TTC27: variants seen among roughly 807,000 people sequenced by gnomAD.
TTC27 encodes the protein tetratricopeptide repeat protein 27.
In TTC27, 79 loss-of-function variants were observed where a neutral mutation model predicts 115.9. The ratio of observed to expected loss-of-function variants is 0.68; its 90% CI spans 0.57 to 0.82. The LOEUF (loss-of-function observed/expected upper bound fraction) is 0.82. TTC27 is among the 40% of genes least tolerant of loss of function. The pLI, the probability that TTC27 is intolerant of heterozygous loss-of-function variation, is 0.00. For missense variants in TTC27, 1,054 were observed against 993.1 expected (o/e 1.06, Z -0.82); for synonymous variants, 401 against 356.0 (o/e 1.13, Z -1.42).
At chr2:32,722,710 G>C (rs1667968376) in intron 10 of TTC27, among the ~76,000 whole-genome samples, 2 of 152,214 alleles carry the variant, frequency 1.3e-5, no homozygotes, top group Admixed American at 1.3e-4. Context: ...GAAAGGAGTG[G>C]AATGACCACA....
chr2:32,771,151 T>C (rs1669816636), intron 13 of TTC27, among the ~76,000 whole-genome samples: 2 of 152,162 alleles, frequency 1.3e-5, no homozygotes, highest in African/African-American at 2.4e-5. Flanking sequence ...CAAAGGCAAA[T>C]CTCTTCATCT....
intron 12 of TTC27, among the ~76,000 whole-genome samples, chr2:32,747,765 G>T (rs1315609331): frequency 6.6e-6 from 1 of 152,148 alleles, no homozygotes; most frequent in African/African-American, 2.4e-5. Flanking sequence ...TTGAGAATAT[G>T]ATTTGATGTC....
chr2:32,664,388 ATAT>A lies in TTC27; in HGVS notation c.733_735del (p.Tyr245del), dbSNP rs753951917. ...ATCTGGAATGTGCATATGTGTTTTT[ATAT>A]TATTATGAGTACAGAAAAGCAAAAG... On this transcript the variant is annotated inframe_deletion, in exon 6 of 20. Coordinates refer to ENST00000317907, the MANE Select transcript of TTC27 (RefSeq NM_017735.5). The A allele has an allele frequency of 9.9e-6, 16 of 1,612,618 alleles. No homozygotes were observed. Among genetic ancestry groups the A allele is most frequent in the African/African-American group, 2.7e-5 (2 of 74,994 alleles).
At chr2:32,671,367 T>C (rs1330695245) in intron 7 of TTC27, among the ~76,000 whole-genome samples, 1 of 151,998 alleles carries the variant, frequency 6.6e-6, no homozygotes, top group Non-Finnish European at 1.5e-5. Flanking sequence ...AGAGACAGGG[T>C]CTTGCTGTGT....
At chr2:32,751,060 G>A (rs1668992001) in intron 12 of TTC27, among the ~76,000 whole-genome samples, 1 of 152,146 alleles carries the variant, frequency 6.6e-6, no homozygotes, top group South Asian at 2.1e-4. Context: ...TATATCTGGT[G>A]TTGTCTGGTT....
intron 4 of TTC27, among the ~76,000 whole-genome samples, chr2:32,644,414 G>T (rs1302166308): frequency 1.3e-5 from 2 of 151,622 alleles, no homozygotes; most frequent in Admixed American, 1.3e-4. Context: ...CAACAACTTA[G>T]GAGAATTAAT....
intron 10 of TTC27, among the ~76,000 whole-genome samples, chr2:32,728,033 G>A (rs1668165769): frequency 1.4e-5 from 2 of 142,484 alleles, no homozygotes; most frequent in Non-Finnish European, 1.5e-5. Flanking sequence ...TGAGAGGACT[G>A]CCTCTTTTTT....
intron 4 of TTC27, among the ~76,000 whole-genome samples, chr2:32,647,535 T>A (rs964111265): frequency 5.3e-5 from 8 of 152,358 alleles, no homozygotes; most frequent in Admixed American, 2.0e-4. Context: ...GAAAGGATTT[T>A]GTCATGGAGT....
chr2:32,779,084 C>T (rs1273904552), intron 14 of TTC27, among the ~76,000 whole-genome samples: 2 of 152,056 alleles, frequency 1.3e-5, no homozygotes, highest in Non-Finnish European at 2.9e-5. Context: ...ATTAGCTGGG[C>T]GTGATGACGC....
At chr2:32,727,213 C>A (rs1420723377) in intron 10 of TTC27, among the ~76,000 whole-genome samples, 2 of 152,092 alleles carry the variant, frequency 1.3e-5, no homozygotes, top group Non-Finnish European at 2.9e-5. Flanking sequence ...AATATTGAGA[C>A]AAGATTTTTC....
intron 12 of TTC27, among the ~76,000 whole-genome samples, chr2:32,742,559 T>A (rs1359343785): frequency 6.6e-6 from 1 of 152,108 alleles, no homozygotes; most frequent in Admixed American, 6.6e-5. Context: ...TAGCTGGGAG[T>A]GTCTGATGGG....
intron 6 of TTC27, among the ~76,000 whole-genome samples, chr2:32,665,344 G>A (rs1306643319): frequency 6.6e-6 from 1 of 152,154 alleles, no homozygotes; most frequent in East Asian, 1.9e-4. Flanking sequence ...CCATGTGTAA[G>A]TTGTCTGTAT....
At chr2:32,714,763 C>A (rs964325275) in intron 10 of TTC27, among the ~76,000 whole-genome samples, 1 of 152,032 alleles carries the variant, frequency 6.6e-6, no homozygotes, top group Non-Finnish European at 1.5e-5. Context: ...TATTTTGTGA[C>A]TTTTTAATAC....
chr2:32,635,951 A>G (rs2151860494), intron 3 of TTC27, among the ~76,000 whole-genome samples: 1 of 152,282 alleles, frequency 6.6e-6, no homozygotes, highest in East Asian at 1.9e-4. Flanking sequence ...TATGAAGGGA[A>G]TTTATAATTT....
At chr2:32,637,196 T>G (rs558623149) in intron 3 of TTC27, among the ~76,000 whole-genome samples, 11 of 152,350 alleles carry the variant, frequency 7.2e-5, no homozygotes, top group African/African-American at 2.4e-4. Context: ...TAATTTTTAT[T>G]TGTTGCTATG....
At chr2:32,795,502 T>C (rs1670667131) in intron 16 of TTC27, among the ~76,000 whole-genome samples, 1 of 151,618 alleles carries the variant, frequency 6.6e-6, no homozygotes, top group South Asian at 2.1e-4. Flanking sequence ...AACATCATAC[T>C]TAATGGTGAA....
At position 32,702,793 on chromosome 2, in the gene TTC27, C is replaced by T. The variant is rs1667231803; in HGVS notation, c.1120-14C>T. The T allele has an allele frequency of 4.5e-6, 7 of 1,571,210 alleles. No homozygotes were observed. The East Asian group carries it at 1.6e-4, about 35-fold the overall frequency. On this transcript the variant is annotated splice_polypyrimidine_tract_variant and intron_variant, in intron 9 of 19. Transcript: ENST00000317907. ...ATCTCTTTTCTATGATTTTTTTCTT[C>T]CCGCTTCTATCAGTGTTTGCTTTCA...
chr2:32,765,244 G>A (rs949314882), intron 13 of TTC27, among the ~76,000 whole-genome samples: 2 of 152,140 alleles, frequency 1.3e-5, no homozygotes, highest in Non-Finnish European at 2.9e-5. Context: ...CCATGGCTGC[G>A]GAGTGGTTGT....
intron 16 of TTC27, among the ~76,000 whole-genome samples, chr2:32,810,210 G>A (rs185429460): frequency 2.0e-5 from 3 of 152,188 alleles, no homozygotes; most frequent in Non-Finnish European, 4.4e-5. Context: ...ATGCATTAAC[G>A]GTTCATCATT....
Sources: allele counts gnomAD v4.1 joint callset (sites outside exome capture counted in the v4.1 genomes callset), GRCh38; gene constraint gnomAD v4.1.1; transcripts MANE v1.5; gene names NCBI Gene and HGNC (gene_info 2026-07-23, HGNC 2026-07-21).